LPL: variants seen among roughly 807,000 people sequenced by gnomAD.
LPL encodes lipoprotein lipase.
LPL carries 43 observed loss-of-function variants against 52.2 expected under a neutral mutation model. That is an observed-to-expected ratio of 0.82 (90% CI 0.64 to 1.06). The LOEUF (loss-of-function observed/expected upper bound fraction) is 1.06. Among genes scored for constraint, LPL ranks in the 50% least tolerant of loss-of-function variants. The pLI is 0.00. For synonymous variants in LPL, 244 were observed against 215.6 expected, an observed-to-expected ratio of 1.13 and a Z score of -1.15; for missense variants, 639 against 585.3, an observed-to-expected ratio of 1.09 and a Z score of -0.95.
In LPL at chr8:19,961,702, C is replaced by A. The variant is rs182033043; in HGVS notation, c.1323-413C>A. Among the ~76,000 whole-genome samples the A allele has an allele frequency of 3.6e-3, 512 of 142,692 alleles. 1 individual carries two copies. The highest frequency in any genetic ancestry group is 0.012 in the African/African-American group (484 of 39,434). 93.6% of individuals were successfully genotyped at this position (142,692 alleles called of 152,430 possible). A position where few individuals can be genotyped will look rare whatever the true frequency, so the allele number is the denominator to read the frequency against. ...ATCACCAAAGAAGCAAACAAACAAA[C>A]AAAAAAAAAAAGAAAAAGATCTTGG... On this transcript the variant is annotated intron_variant, in intron 8 of 9. Coordinates refer to ENST00000650287, the MANE Select transcript of LPL (RefSeq NM_000237.3).
chr8:19,947,103 TC>T (rs1466791174), intron 1 of LPL, among the ~76,000 whole-genome samples: 3 of 152,226 alleles, frequency 2.0e-5, no homozygotes, highest in Admixed American at 6.5e-5. Context: ...CTAAATTATT[TC>T]TTAGAACATT....
chr8:19,955,758 C>G (rs265), intron 5 of LPL, 83 bp from the exon 6 acceptor site: 503 of 1,545,676 alleles, frequency 3.3e-4, no homozygotes, highest in Non-Finnish European at 4.4e-4. Flanking sequence ...AACACCACAT[C>G]TCACCTATTT....
rs1563587533 is a variant in LPL, at chr8:19,966,540, A to G, written c.*1230A>G. 1 of 152,230 alleles carries G rather than the reference A, an allele frequency of 6.6e-6. No individual in the cohort carries two copies. Among genetic ancestry groups the G allele is most frequent in the Non-Finnish European group, 1.5e-5 (1 of 68,048 alleles). 9.4% of individuals were successfully genotyped at this position (152,230 alleles called of 1,614,324 possible). A position where few individuals can be genotyped will look rare whatever the true frequency, so the allele number is the denominator to read the frequency against. On this transcript the variant is annotated 3_prime_UTR_variant, in exon 10 of 10. Transcript: ENST00000650287. ...TATTTTTCAGAATGCTCTTCTACGT[A>G]TAAATATGAAATGATAAAGATGTCA...
At chr8:19,958,633 G>C (rs1426302184) in intron 6 of LPL, among the ~76,000 whole-genome samples, 1 of 152,210 alleles carries the variant, frequency 6.6e-6, no homozygotes, top group Admixed American at 6.5e-5. Flanking sequence ...ACATGAGTAA[G>C]TTCTTTAGTA....
At chr8:19,959,452 G>C in intron 7 of LPL, 72 bp downstream of exon 7, 1 of 1,571,824 alleles carries the variant, frequency 6.4e-7, no homozygotes, top group Non-Finnish European at 8.7e-7. Flanking sequence ...CTGAGCAGCA[G>C]AAGCAGAGAG....
chr8:19,958,267 C>A (rs1003477393), intron 6 of LPL, among the ~76,000 whole-genome samples: 1 of 152,096 alleles, frequency 6.6e-6, no homozygotes, highest in Non-Finnish European at 1.5e-5. Flanking sequence ...GGTGATTCAC[C>A]CACCAAGGCC....
chr8:19,939,347 CCAAACCGCG>C lies in LPL; in HGVS notation c.-93_-85del. On this transcript the variant is annotated 5_prime_UTR_variant, in exon 1 of 10. Coordinates refer to ENST00000650287, the MANE Select transcript of LPL (RefSeq NM_000237.3). This position sits in a 1 kb window ranked among gnomAD's most constrained non-coding sequence, Gnocchi z 4.0. Reference sequence around the variant, plus strand: ...CCTTTAAAGGGCGACTTGCTCAGCGCCAAACCGCGGCTCCAGCCCTCTCCAGCCTCCGGC... The same window carrying C: ...CCTTTAAAGGGCGACTTGCTCAGCGCGCTCCAGCCCTCTCCAGCCTCCGGC... 1 of 1,273,708 alleles carries C rather than the reference CCAAACCGCG, an allele frequency of 7.9e-7. No homozygotes were observed. Among genetic ancestry groups the C allele is most frequent in the Admixed American group, 2.0e-5 (1 of 50,328 alleles). 78.9% of individuals were successfully genotyped at this position (1,273,708 alleles called of 1,614,324 possible).
In LPL at chr8:19,955,854, A is replaced by G. The variant is rs775606162; in HGVS notation, c.789A>G (p.Leu263=). ...AERGLGDVDQ[L]VKCSHERSIH... Reference sequence around the variant, plus strand: ...TTTTTTACCCAGATGTGGACCAGCTAGTGAAGTGCTCCCACGAGCGCTCCA... The same window carrying G: ...TTTTTTACCCAGATGTGGACCAGCTGGTGAAGTGCTCCCACGAGCGCTCCA... The change falls in exon 6 of 10, where the codon CTA becomes CTG. Residue 263 remains leucine (L), a synonymous_variant. Transcript: ENST00000650287. 8.1e-6 allele frequency: 13 copies of G among 1,614,064 alleles called. No homozygotes were observed. The South Asian group carries it at 1.4e-4, about 18-fold the overall frequency.
In LPL at chr8:19,948,188, G is replaced by C. The variant is rs2069900175; in HGVS notation, c.97G>C (p.Asp33His). ...CAATTTTTCCTTTCCAGAAAGAAGAGATTTTATCGACATCGAAAGTAAATT... is the reference window on the plus strand; with the variant it reads ...CAATTTTTCCTTTCCAGAAAGAAGACATTTTATCGACATCGAAAGTAAATT... ...GGVAAADQRR[D>H]FIDIESKFAL... Residue 33 changes from aspartate (D) to histidine (H), a missense_variant, in exon 2 of 10, where the codon GAT becomes CAT. By Grantham distance (81) the Asp-to-His change is moderately conservative (BLOSUM62 -1). Transcript: ENST00000650287. 4 of 1,614,150 alleles carry C rather than the reference G, an allele frequency of 2.5e-6. No individual in the cohort carries two copies. The highest frequency in any genetic ancestry group is 3.4e-6 in the Non-Finnish European group (4 of 1,180,012).
intron 3 of LPL, among the ~76,000 whole-genome samples, chr8:19,952,846 G>C (rs1355305838): frequency 2.0e-5 from 3 of 151,980 alleles, no homozygotes; most frequent in Admixed American, 1.3e-4. Flanking sequence ...TTAGAGTAAG[G>C]AATAATGGGA....
intron 5 of LPL, among the ~76,000 whole-genome samples, chr8:19,955,045 T>C (rs1017348477): frequency 6.6e-6 from 1 of 152,168 alleles, no homozygotes; most frequent in Non-Finnish European, 1.5e-5. Context: ...TTTATAGACA[T>C]TGGGACCTAC....
rs751866874 is a variant in LPL, at chr8:19,966,572, T to C, written c.*1262T>C. The C allele has an allele frequency of 1.4e-4, 21 of 152,202 alleles. No homozygotes were observed. The highest frequency in any genetic ancestry group is 2.6e-4 in the Non-Finnish European group (18 of 68,044). The allele number at this position is 152,202 out of a possible 1,614,324, so 9.4% of individuals were successfully genotyped here. Reference sequence around the variant, plus strand: ...TGAAATGATAAAGATGTCAAATATCTCAGAGGCTATAGCTGGGAACCCGAC... The same window carrying C: ...TGAAATGATAAAGATGTCAAATATCCCAGAGGCTATAGCTGGGAACCCGAC... On this transcript the variant is annotated 3_prime_UTR_variant, in exon 10 of 10. Transcript: ENST00000650287.
At chr8:19,952,061 T>C (rs923704763) in intron 3 of LPL, 113 bp downstream of exon 3, 1 of 1,183,464 alleles carries the variant, frequency 8.4e-7, no homozygotes, top group African/African-American at 1.5e-5. Flanking sequence ...TCTGGGGGCA[T>C]TCAAATCTTC....
intron 9 of LPL, among the ~76,000 whole-genome samples, chr8:19,964,544 A>T (rs1229798549): frequency 6.6e-6 from 1 of 152,070 alleles, no homozygotes; most frequent in Non-Finnish European, 1.5e-5. Context: ...ACTTTTATTT[A>T]TTTTTGAGAC....
intron 1 of LPL, among the ~76,000 whole-genome samples, chr8:19,941,356 C>T (rs2069837520): frequency 6.6e-6 from 1 of 152,124 alleles, no homozygotes; most frequent in Non-Finnish European, 1.5e-5. Context: ...AAAACAAGCA[C>T]CGAAATATGT....
At chr8:19,963,147 A>G (rs528975653) in intron 9 of LPL, among the ~76,000 whole-genome samples, 1 of 152,342 alleles carries the variant, frequency 6.6e-6, no homozygotes, top group South Asian at 2.1e-4. Context: ...ATTTGGGACA[A>G]ATGTATAGAA....
intron 9 of LPL, among the ~76,000 whole-genome samples, chr8:19,963,956 GT>G (rs146265243): frequency 0.096 from 14,264 of 149,178 alleles, 657 homozygotes; most frequent in East Asian, 0.11. Flanking sequence ...GTTTGTTTTG[GT>G]TTTTTTTTTC....
At chr8:19,961,746 G>A (rs2070041154) in intron 8 of LPL, among the ~76,000 whole-genome samples, 1 of 151,796 alleles carries the variant, frequency 6.6e-6, no homozygotes, top group Admixed American at 6.6e-5. Context: ...ATGTTATAAA[G>A]AATCTTTTTT....
intron 1 of LPL, among the ~76,000 whole-genome samples, chr8:19,940,901 G>A (rs1239288514): frequency 2.0e-5 from 3 of 152,122 alleles, no homozygotes; most frequent in Admixed American, 6.5e-5. Flanking sequence ...AATCAGCCTG[G>A]GCAACATAGG....
Sources: allele counts gnomAD v4.1 joint callset (sites outside exome capture counted in the v4.1 genomes callset), GRCh38; gene constraint gnomAD v4.1.1; non-coding constraint Gnocchi (gnomAD v3.1); transcripts MANE v1.5; gene names NCBI Gene and HGNC (gene_info 2026-07-23, HGNC 2026-07-21).